WIPF1: variants seen among roughly 807,000 people sequenced by gnomAD.
The protein encoded by WIPF1 is WAS/WASL interacting protein family member 1.
WIPF1 carries 13 observed loss-of-function variants against 35.4 expected under a neutral mutation model. That is an observed-to-expected ratio of 0.37 (90% CI 0.24 to 0.58). The LOEUF (loss-of-function observed/expected upper bound fraction) is 0.58. Among genes scored for constraint, WIPF1 ranks in the 20% least tolerant of loss-of-function variants. WIPF1 has a pLI of 0.74. For missense variants in WIPF1, 591 were observed against 667.0 expected, an observed-to-expected ratio of 0.89 and a Z score of 1.25; for synonymous variants, 267 against 266.3, an observed-to-expected ratio of 1.00 and a Z score of -0.02.
intron 1 of WIPF1, among the ~76,000 whole-genome samples, chr2:174,652,996 T>A (rs1687566033): frequency 1.3e-5 from 2 of 152,170 alleles, no homozygotes; most frequent in African/African-American, 4.8e-5. Context: ...GAATATATAA[T>A]TCTGTAGCTA....
chr2:174,574,504 A>G (rs1340028833), intron 4 of WIPF1, among the ~76,000 whole-genome samples: 1 of 152,244 alleles, frequency 6.6e-6, no homozygotes, highest in Non-Finnish European at 1.5e-5. Flanking sequence ...GAAAATTATT[A>G]TAACATGATC....
intron 1 of WIPF1, among the ~76,000 whole-genome samples, chr2:174,588,419 C>T (rs933499730): frequency 2.0e-5 from 3 of 152,120 alleles, no homozygotes; most frequent in Admixed American, 6.5e-5. Context: ...GTCATGAGTT[C>T]GGCTCTCGTA....
chr2:174,660,931 A>G (rs1056977811), intron 1 of WIPF1, among the ~76,000 whole-genome samples: 12 of 152,240 alleles, frequency 7.9e-5, no homozygotes, highest in Non-Finnish European at 1.3e-4. Context: ...ACTGATGCCT[A>G]GGGCTGGTGC....
At chr2:174,645,136 C>T (rs776569000) in intron 1 of WIPF1, among the ~76,000 whole-genome samples, 3 of 151,964 alleles carry the variant, frequency 2.0e-5, no homozygotes, top group Non-Finnish European at 4.4e-5. Context: ...TGGTAAAATA[C>T]CTTAAAAGAG....
intron 1 of WIPF1, among the ~76,000 whole-genome samples, chr2:174,612,078 G>A (rs1203984958): frequency 6.6e-6 from 1 of 151,974 alleles, no homozygotes; most frequent in Non-Finnish European, 1.5e-5. Flanking sequence ...TTTTATTTTT[G>A]TAGAGACGTA....
chr2:174,673,297 G>C (rs1211774283), intron 1 of WIPF1: 2 of 152,226 alleles, frequency 1.3e-5, no homozygotes, highest in East Asian at 3.8e-4. Context: ...AAGTGGTGGA[G>C]AGTTCAGGGT....
upstream of WIPF1, among the ~76,000 whole-genome samples, chr2:174,598,874 C>T (rs574682611): frequency 2.0e-4 from 30 of 152,252 alleles, 1 homozygote; most frequent in Admixed American, 1.2e-3. Flanking sequence ...AACATTTTAT[C>T]AAAACCTTGA....
At chr2:174,637,796 A>G (rs1687217481) in intron 1 of WIPF1, among the ~76,000 whole-genome samples, 1 of 152,360 alleles carries the variant, frequency 6.6e-6, no homozygotes, top group Non-Finnish European at 1.5e-5. Context: ...CAAAAAAACA[A>G]AAAACAAAAA....
intron 1 of WIPF1, among the ~76,000 whole-genome samples, chr2:174,609,337 C>T (rs142858837): frequency 9.9e-5 from 15 of 152,230 alleles, no homozygotes; most frequent in Non-Finnish European, 1.2e-4. Flanking sequence ...CTGTATTTTC[C>T]GGTAATGCAA....
At chr2:174,580,732 G>A (rs950959739) in intron 3 of WIPF1, among the ~76,000 whole-genome samples, 2 of 152,200 alleles carry the variant, frequency 1.3e-5, no homozygotes, top group African/African-American at 4.8e-5. Context: ...ACTTAGGTGG[G>A]TTGATAACTG....
intron 1 of WIPF1, among the ~76,000 whole-genome samples, chr2:174,632,185 C>T (rs1350559702): frequency 6.6e-6 from 1 of 152,150 alleles, no homozygotes; most frequent in African/African-American, 2.4e-5. Flanking sequence ...TCTCTACCAC[C>T]CAACAGGATC....
intron 7 of WIPF1, among the ~76,000 whole-genome samples, chr2:174,563,955 C>T (rs1684565117): frequency 1.3e-5 from 2 of 152,204 alleles, no homozygotes; most frequent in African/African-American, 4.8e-5. Flanking sequence ...CAAATATTTT[C>T]TTGGGCAGGC....
rs1559143304 is a variant in WIPF1 at position 174,562,365 on chromosome 2, T to C, written c.*182A>G. The C allele has an allele frequency of 6.8e-7, 1 of 1,481,358 alleles. No homozygotes were observed. Among genetic ancestry groups the C allele is most frequent in the Non-Finnish European group, 9.0e-7 (1 of 1,114,800 alleles). The allele number at this position is 1,481,358 out of a possible 1,614,324, so 91.8% of individuals were successfully genotyped here. ...GCAATAGCCTGGAGAATAAACACAA[T>C]ATGAAAAGCTAGGTGCATTTCTTAC... On this transcript the variant is annotated 3_prime_UTR_variant, in exon 8 of 8. Transcript: ENST00000679041.
At chr2:174,595,109 A>AAAAAAAAATATATATAT (rs1553529785) in intron 1 of WIPF1, among the ~76,000 whole-genome samples, 3 of 57,744 alleles carry the variant, frequency 5.2e-5, no homozygotes, top group African/African-American at 9.0e-5. Context: ...AAAAAAAAAA[A>AAAAAAAAATATATATAT]ATATATATAT....
chr2:174,623,941 T>C (rs1686749757), intron 1 of WIPF1, among the ~76,000 whole-genome samples: 1 of 152,160 alleles, frequency 6.6e-6, no homozygotes, highest in Non-Finnish European at 1.5e-5. Flanking sequence ...AGTCTGGTGC[T>C]TTGTGGATGG....
intron 1 of WIPF1, among the ~76,000 whole-genome samples, chr2:174,678,487 A>G (rs1688180731): frequency 6.6e-6 from 1 of 152,210 alleles, no homozygotes; most frequent in African/African-American, 2.4e-5. Context: ...AGGACTCAAA[A>G]GTTTCTGATC....
intron 3 of WIPF1, among the ~76,000 whole-genome samples, chr2:174,580,520 A>G (rs2105828722): frequency 6.6e-6 from 1 of 152,326 alleles, no homozygotes; most frequent in East Asian, 1.9e-4. Flanking sequence ...TTGGAAGGTC[A>G]GTCTATTTCC....
intron 1 of WIPF1, among the ~76,000 whole-genome samples, chr2:174,633,889 T>C (rs562538508): frequency 1.8e-3 from 267 of 152,264 alleles, no homozygotes; most frequent in African/African-American, 6.2e-3. Flanking sequence ...ATATTCAAGC[T>C]GTCCCTACTG....
At chr2:174,596,917 G>A (rs543060117) in intron 1 of WIPF1, among the ~76,000 whole-genome samples, 2 of 152,188 alleles carry the variant, frequency 1.3e-5, no homozygotes, top group African/African-American at 4.8e-5. Flanking sequence ...TGCTCTATAA[G>A]CCTCTGAGTA....
Sources: gnomAD v4.1 joint callset for allele counts (sites outside exome capture counted in the v4.1 genomes callset) on GRCh38, gnomAD v4.1.1 for gene constraint, MANE v1.5 for transcripts, NCBI Gene and HGNC (gene_info 2026-07-23, HGNC 2026-07-21) for gene names.